SFSWAP: variants seen among roughly 807,000 people sequenced by gnomAD.
SFSWAP encodes the protein splicing factor, suppressor of white-apricot homolog.
In SFSWAP, 17 loss-of-function variants were observed where a neutral mutation model predicts 100.7. The observed-to-expected ratio is 0.17, with a 90% confidence interval of 0.12 to 0.25. The LOEUF is 0.25. Ranked by LOEUF, SFSWAP falls within the 10% of genes least tolerant of loss-of-function variation. The pLI is 1.00. For missense variants in SFSWAP, 1,005 were observed against 1,262.6 expected, an observed-to-expected ratio of 0.80 and a Z score of 3.09; for synonymous variants, 504 against 510.1, an observed-to-expected ratio of 0.99 and a Z score of 0.16.
At chr12:131,763,893 G>C (rs373629589) in intron 11 of SFSWAP, among the ~76,000 whole-genome samples, 1 of 151,530 alleles carries the variant, frequency 6.6e-6, no homozygotes, top group Non-Finnish European at 1.5e-5. Context: ...TTGGGAGGCC[G>C]AGGCAGGCGG....
intron 10 of SFSWAP, 130 bp downstream of exon 10, chr12:131,755,609 T>A (rs1169964375): frequency 3.1e-6 from 2 of 645,748 alleles, no homozygotes; most frequent in Admixed American, 2.9e-5. Flanking sequence ...TTTTAATGTG[T>A]GTCTGGCATA....
At chr12:131,770,203 G>A (rs1883476244) in intron 13 of SFSWAP, among the ~76,000 whole-genome samples, 1 of 152,238 alleles carries the variant, frequency 6.6e-6, no homozygotes, top group African/African-American at 2.4e-5. Flanking sequence ...TTTACTCGCT[G>A]ATGTTGAGAC....
At chr12:131,727,297 A>T (rs899543073) in intron 6 of SFSWAP, among the ~76,000 whole-genome samples, 1 of 152,220 alleles carries the variant, frequency 6.6e-6, no homozygotes, top group African/African-American at 2.4e-5. Context: ...TTTTATTACA[A>T]TTTTACTCCT....
chr12:131,765,508 C>T (rs1411321825), intron 12 of SFSWAP, among the ~76,000 whole-genome samples: 28 of 152,192 alleles, frequency 1.8e-4, no homozygotes, highest in African/African-American at 6.5e-4. Context: ...ATTAGCCGGG[C>T]GTGGTGGCAC....
intron 14 of SFSWAP, chr12:131,784,295 C>A (rs188512386): frequency 6.6e-6 from 1 of 152,098 alleles, no homozygotes; most frequent in African/African-American, 2.4e-5. Context: ...AATTCAGCCC[C>A]GGGAGCTGCT....
chr12:131,752,815 G>C (rs1881780426), intron 7 of SFSWAP, among the ~76,000 whole-genome samples: 1 of 152,224 alleles, frequency 6.6e-6, no homozygotes, highest in African/African-American at 2.4e-5. Flanking sequence ...TTCCCAACCT[G>C]CACATTTTGA....
chr12:131,780,913 T>C (rs1216496401), intron 14 of SFSWAP, among the ~76,000 whole-genome samples: 3 of 152,166 alleles, frequency 2.0e-5, no homozygotes, highest in Admixed American at 6.5e-5. Context: ...TCAGCTTTCA[T>C]GTGGGGAGTT....
At chr12:131,754,053 T>TAAC (rs886115515) in intron 8 of SFSWAP, among the ~76,000 whole-genome samples, 2 of 152,116 alleles carry the variant, frequency 1.3e-5, no homozygotes, top group Non-Finnish European at 2.9e-5. Flanking sequence ...GTTTTCAATA[T>TAAC]AACAACAACA....
At chr12:131,774,627 G>C (rs1883867428) in intron 13 of SFSWAP, among the ~76,000 whole-genome samples, 1 of 152,200 alleles carries the variant, frequency 6.6e-6, no homozygotes, top group African/African-American at 2.4e-5. Context: ...TGGTTTCTGG[G>C]AAGCTGTGTT....
intron 15 of SFSWAP, chr12:131,796,030 AGGGGAGGGGAGC>A (rs1885642559): frequency 3.9e-4 from 1 of 2,566 alleles, no homozygotes; most frequent in Admixed American, 5.2e-3. Context: ...GGGGGAGGGG[AGGGGAGGGGAGC>A]GGAGAGGGGG....
intron 4 of SFSWAP, among the ~76,000 whole-genome samples, chr12:131,723,636 C>T (rs1399783784): frequency 2.0e-5 from 3 of 152,180 alleles, no homozygotes; most frequent in Non-Finnish European, 4.4e-5. Context: ...CTAATTTCCC[C>T]TCTTCATGTC....
At chr12:131,780,538 C>T (rs1431190004) in intron 14 of SFSWAP, among the ~76,000 whole-genome samples, 1 of 152,092 alleles carries the variant, frequency 6.6e-6, no homozygotes, top group South Asian at 2.1e-4. Context: ...GCTTTGAACT[C>T]CTGAGCTCAA....
Position 131,728,314 on chromosome 12 carries a change from G to T in SFSWAP, c.967G>T (p.Asp323Tyr). 6.2e-7 allele frequency: 1 copy of T among 1,614,234 alleles called. No individual in the cohort carries two copies. Among genetic ancestry groups the T allele is most frequent in the Non-Finnish European group, 8.5e-7 (1 of 1,180,046 alleles). Residue 323 changes from aspartate (D) to tyrosine (Y), a missense_variant, in exon 7 of 18, where the codon GAT (aspartate) becomes TAT (tyrosine). This residue lies in a region of SFSWAP where 22 missense variants were observed against 52.6 expected (regional missense o/e 0.42). Coordinates refer to ENST00000261674, the MANE Select transcript of SFSWAP (RefSeq NM_004592.4). The stretch of plus-strand genomic sequence containing the variant: ...CCAGCCCTTGAAGGTAGTGGACCCA[G>T]ATCATCCCCTCGCAGCACTTGTTCG... ...LMKPLKVVDPDHPLAALVRKA... is the reference protein window; with the variant it reads ...LMKPLKVVDPYHPLAALVRKA...
intron 3 of SFSWAP, among the ~76,000 whole-genome samples, chr12:131,716,348 C>T (rs553613348): frequency 1.6e-4 from 24 of 152,322 alleles, no homozygotes; most frequent in African/African-American, 5.5e-4. Flanking sequence ...CTACCCATCC[C>T]TCAGAAGTTA....
intron 5 of SFSWAP, among the ~76,000 whole-genome samples, chr12:131,726,217 A>G (rs577313713): frequency 2.1e-4 from 31 of 148,054 alleles, no homozygotes; most frequent in Admixed American, 6.7e-4. Flanking sequence ...TTTTTTTTTA[A>G]TTGGCGACAG....
chr12:131,755,954 C>T (rs914877016), intron 10 of SFSWAP, among the ~76,000 whole-genome samples: 2 of 152,246 alleles, frequency 1.3e-5, no homozygotes, highest in Non-Finnish European at 1.5e-5. Flanking sequence ...GTGGTGCTGG[C>T]GCACTTGGAA....
At chr12:131,776,947 A>C (rs1214070371) in intron 13 of SFSWAP, among the ~76,000 whole-genome samples, 2 of 152,216 alleles carry the variant, frequency 1.3e-5, no homozygotes, top group Non-Finnish European at 2.9e-5. Context: ...GTCAGCATGC[A>C]TTGAAGATTC....
intron 4 of SFSWAP, 52 bp downstream of exon 4, chr12:131,719,591 C>G: frequency 7.3e-7 from 1 of 1,366,342 alleles, no homozygotes; most frequent in Non-Finnish European, 1.0e-6. Flanking sequence ...TATCATAATT[C>G]ACTCCTGCTT....
chr12:131,731,901 C>CTTT (rs755819493), intron 7 of SFSWAP, among the ~76,000 whole-genome samples: 686 of 55,318 alleles, frequency 0.012, 174 homozygotes, highest in Non-Finnish European at 0.017. Context: ...TACTATTTTA[C>CTTT]TTTTTTTTTT....
Sources: allele counts gnomAD v4.1 joint callset (sites outside exome capture counted in the v4.1 genomes callset), GRCh38; gene constraint gnomAD v4.1.1; regional missense constraint gnomAD v4.1.1; transcripts MANE v1.5; gene names NCBI Gene and HGNC (gene_info 2026-07-23, HGNC 2026-07-21).